MAPK10: variants seen among roughly 807,000 people sequenced by gnomAD.
MAPK10 encodes the protein JNK3 alpha protein kinase.
Under a neutral mutation model 59.3 loss-of-function variants are expected in MAPK10, and 25 were observed. That is an observed-to-expected ratio of 0.42 (90% CI 0.31 to 0.59). MAPK10 has a LOEUF of 0.59. Among genes scored for constraint, MAPK10 ranks in the 20% least tolerant of loss-of-function variants. The probability of loss-of-function intolerance (pLI) is 0.15; values close to 1 mark genes in which losing one functional copy is unlikely to be tolerated. For synonymous variants in MAPK10, 190 were observed against 200.5 expected, an observed-to-expected ratio of 0.95 and a Z score of 0.44; for missense variants, 351 against 568.9, an observed-to-expected ratio of 0.62 and a Z score of 3.90.
At chr4:86,486,741 C>G (rs1366528566) in intron 1 of MAPK10, among the ~76,000 whole-genome samples, 1 of 152,148 alleles carries the variant, frequency 6.6e-6, no homozygotes, top group African/African-American at 2.4e-5. Flanking sequence ...AGGATATGTA[C>G]GCAGTCCCAA....
chr4:86,425,798 C>A (rs999712355), intron 1 of MAPK10, among the ~76,000 whole-genome samples: 2 of 152,160 alleles, frequency 1.3e-5, no homozygotes, highest in African/African-American at 4.8e-5. Flanking sequence ...AAAGGTGACC[C>A]TGTCTCTACT....
intron 9 of MAPK10, chr4:86,082,131 G>C (rs1229242418): frequency 1.3e-5 from 2 of 152,120 alleles, no homozygotes; most frequent in African/African-American, 4.8e-5. Context: ...TAAATATGCA[G>C]GTAGTAAAAA....
At chr4:86,470,212 A>T (rs543240745) in intron 1 of MAPK10, among the ~76,000 whole-genome samples, 2 of 152,376 alleles carry the variant, frequency 1.3e-5, no homozygotes, top group South Asian at 2.1e-4. Context: ...AATTATATTT[A>T]ATAAGGCATC....
intron 3 of MAPK10, among the ~76,000 whole-genome samples, chr4:86,185,547 GT>G (rs1562842921): frequency 2.6e-5 from 4 of 152,138 alleles, no homozygotes; most frequent in Non-Finnish European, 4.4e-5. Context: ...TAGTCAAGGA[GT>G]GACATGATCT....
At chr4:86,522,681 A>G (rs950420069) in intron 1 of MAPK10, among the ~76,000 whole-genome samples, 6 of 152,160 alleles carry the variant, frequency 3.9e-5, no homozygotes, top group Admixed American at 1.3e-4. Flanking sequence ...TTTTGTTCTC[A>G]GGTTATCAAA....
intron 4 of MAPK10, among the ~76,000 whole-genome samples, chr4:86,147,226 A>ACCG (rs1391472595): frequency 6.6e-6 from 1 of 151,956 alleles, no homozygotes; most frequent in Non-Finnish European, 1.5e-5. Context: ...CGCTGACACC[A>ACCG]CAGGCACATG....
At chr4:86,480,153 A>C (rs1753482479) in intron 1 of MAPK10, among the ~76,000 whole-genome samples, 1 of 152,190 alleles carries the variant, frequency 6.6e-6, no homozygotes, top group South Asian at 2.1e-4. Context: ...GAAGAATCAC[A>C]AAAGAAGTGA....
At position 86,325,585 on chromosome 4, in the gene MAPK10, T is replaced by A. The variant is rs140615711; in HGVS notation, c.-7+28945A>T. Among the ~76,000 whole-genome samples, 511 of 152,286 alleles carry A rather than the reference T, an allele frequency of 3.4e-3. 4 individuals carry two copies. Among genetic ancestry groups the A allele is most frequent in the African/African-American group, 0.012 (483 of 41,564 alleles). Reference sequence around the variant, plus strand: ...AAATGCATGAGCTTAGACCTAAGAATTAATAGATTTCAAAAAGATATGACT... The same window carrying A: ...AAATGCATGAGCTTAGACCTAAGAAATAATAGATTTCAAAAAGATATGACT... On this transcript the variant is annotated intron_variant, in intron 2 of 13. Coordinates refer to ENST00000641462, the MANE Select transcript of MAPK10 (RefSeq NM_138982.4).
intron 4 of MAPK10, among the ~76,000 whole-genome samples, chr4:86,149,021 T>C (rs558479526): frequency 5.3e-5 from 8 of 152,326 alleles, no homozygotes; most frequent in East Asian, 1.9e-4. Flanking sequence ...CCTAGTCTAA[T>C]AGCATTAACA....
At chr4:86,371,993 A>G (rs1578952388) in intron 1 of MAPK10, among the ~76,000 whole-genome samples, 1 of 152,226 alleles carries the variant, frequency 6.6e-6, no homozygotes, top group Admixed American at 6.5e-5. Context: ...GGTTAACAAG[A>G]ATATTCAGGA....
chr4:86,399,971 T>C (rs375296039), intron 1 of MAPK10, among the ~76,000 whole-genome samples: 342 of 152,286 alleles, frequency 2.2e-3, no homozygotes, highest in African/African-American at 7.7e-3. Flanking sequence ...ACATGAGATA[T>C]AAATTGGTAT....
At chr4:86,331,165 A>C (rs1348889968) in intron 2 of MAPK10, among the ~76,000 whole-genome samples, 1 of 152,206 alleles carries the variant, frequency 6.6e-6, no homozygotes, top group Non-Finnish European at 1.5e-5. Context: ...CAGGGAGAAC[A>C]ATGACTTTCT....
chr4:86,493,379 T>C (rs1754626960), intron 1 of MAPK10, among the ~76,000 whole-genome samples: 1 of 152,258 alleles, frequency 6.6e-6, no homozygotes. Context: ...GATTAATTTA[T>C]CTGCACACAG....
intron 3 of MAPK10, among the ~76,000 whole-genome samples, chr4:86,183,225 G>C (rs1296931508): frequency 6.6e-6 from 1 of 151,846 alleles, no homozygotes; most frequent in East Asian, 1.9e-4. Context: ...TGCCATGTTG[G>C]TGTGCTGCAC....
chr4:86,186,103 C>G (rs2078168855), intron 3 of MAPK10, among the ~76,000 whole-genome samples: 1 of 152,060 alleles, frequency 6.6e-6, no homozygotes, highest in African/African-American at 2.4e-5. Flanking sequence ...AACACATGTG[C>G]CAGTACTGCT....
intron 1 of MAPK10, among the ~76,000 whole-genome samples, chr4:86,517,539 T>C (rs1756781370): frequency 6.6e-6 from 1 of 152,156 alleles, no homozygotes; most frequent in Non-Finnish European, 1.5e-5. Context: ...CCTCCCAAAG[T>C]GCTGGGATTA....
chr4:86,544,419 T>C (rs930182069), intron 1 of MAPK10, among the ~76,000 whole-genome samples: 2 of 152,230 alleles, frequency 1.3e-5, no homozygotes, highest in East Asian at 1.9e-4. Context: ...AGTTACTGCC[T>C]ACATACTATT....
At chr4:86,415,170 A>G (rs978915594) in intron 1 of MAPK10, among the ~76,000 whole-genome samples, 1 of 150,334 alleles carries the variant, frequency 6.7e-6, no homozygotes, top group African/African-American at 2.4e-5. Flanking sequence ...CCATTACGGC[A>G]TTTTATCTGT....
intron 1 of MAPK10, among the ~76,000 whole-genome samples, chr4:86,564,052 G>A (rs1277269096): frequency 1.3e-5 from 2 of 152,032 alleles, no homozygotes; most frequent in Non-Finnish European, 2.9e-5. Flanking sequence ...GGCTGGTCTC[G>A]AACTCCTGAC....
Sources: gnomAD v4.1 joint callset for allele counts (sites outside exome capture counted in the v4.1 genomes callset) on GRCh38, gnomAD v4.1.1 for gene constraint, MANE v1.5 for transcripts, NCBI Gene and HGNC (gene_info 2026-07-23, HGNC 2026-07-21) for gene names.